IMMP2L: variants seen among roughly 807,000 people sequenced by gnomAD.
IMMP2L encodes the protein inner mitochondrial membrane peptidase subunit 2, also known as mitochondrial inner membrane protease subunit 2.
A neutral mutation model predicts 19.3 loss-of-function variants in IMMP2L; 18 were observed. The observed-to-expected ratio is 0.93, with a 90% CI of 0.64 to 1.38. The LOEUF is 1.38. Among genes scored for constraint, IMMP2L ranks in the 40% most tolerant of loss-of-function variants. The pLI is 0.00. For synonymous variants in IMMP2L, 76 were observed against 73.0 expected (o/e 1.04, Z -0.21); for missense variants, 233 against 218.2 (o/e 1.07, Z -0.43).
At chr7:110,944,562 C>T (rs765523980) in intron 4 of IMMP2L, among the ~76,000 whole-genome samples, 1 of 151,586 alleles carries the variant, frequency 6.6e-6, no homozygotes, top group Non-Finnish European at 1.5e-5. Flanking sequence ...AGAGTATACA[C>T]TGAAAAATCT....
At chr7:111,124,504 T>G in intron 3 of IMMP2L, 1 of 1,613,846 alleles carries the variant, frequency 6.2e-7, no homozygotes, top group East Asian at 2.2e-5. Flanking sequence ...TGTCAAGGTA[T>G]ATAATCTTAC....
intron 3 of IMMP2L, among the ~76,000 whole-genome samples, chr7:111,165,791 T>A (rs182032654): frequency 8.8e-4 from 134 of 152,142 alleles, no homozygotes; most frequent in African/African-American, 3.2e-3. Context: ...GGAAAAAGAC[T>A]GACAGCATCT....
intron 3 of IMMP2L, among the ~76,000 whole-genome samples, chr7:111,314,424 C>T (rs971003406): frequency 1.3e-5 from 2 of 151,998 alleles, no homozygotes; most frequent in African/African-American, 4.8e-5. Flanking sequence ...AAGTATGATT[C>T]TATTAATATA....
intron 3 of IMMP2L, among the ~76,000 whole-genome samples, chr7:111,288,810 A>G (rs1820774796): frequency 6.6e-6 from 1 of 152,142 alleles, no homozygotes; most frequent in Non-Finnish European, 1.5e-5. Context: ...ACGCTTTTAC[A>G]CTGTTGGTGG....
intron 3 of IMMP2L, among the ~76,000 whole-genome samples, chr7:111,174,193 A>T (rs1199436580): frequency 1.3e-5 from 2 of 151,760 alleles, no homozygotes; most frequent in African/African-American, 4.8e-5. Context: ...ATAACCACAG[A>T]GACTTTTACT....
At chr7:111,025,149 C>A (rs1826682222) in intron 3 of IMMP2L, among the ~76,000 whole-genome samples, 1 of 152,136 alleles carries the variant, frequency 6.6e-6, no homozygotes, top group Non-Finnish European at 1.5e-5. Flanking sequence ...TAGCTTCCAA[C>A]ACAGCACTTT....
intron 5 of IMMP2L, among the ~76,000 whole-genome samples, chr7:110,819,313 G>A (rs981646498): frequency 5.3e-5 from 8 of 151,934 alleles, no homozygotes; most frequent in Admixed American, 3.9e-4. Context: ...GGGAGAGAAT[G>A]AGGCTGTGAT....
intron 5 of IMMP2L, among the ~76,000 whole-genome samples, chr7:110,852,971 T>C (rs1026258903): frequency 2.0e-5 from 3 of 152,096 alleles, no homozygotes; most frequent in African/African-American, 7.2e-5. Flanking sequence ...TGCCAAAGAC[T>C]GAAGATACTG....
rs184475944 is a variant in IMMP2L, at chr7:111,419,773, G to A, written c.239+67465C>T. On this transcript the variant is annotated intron_variant, in intron 3 of 5. Coordinates refer to ENST00000405709, the MANE Select transcript of IMMP2L (RefSeq NM_032549.4). ...TCACAGGCACGTGTCCTCAGCCTTG[G>A]CAAAATAAACTTTCTAAATTAACTG... Among the ~76,000 whole-genome samples the A allele has an allele frequency of 2.3e-3, 350 of 151,304 alleles. 4 individuals carry two copies. Among genetic ancestry groups the A allele is most frequent in the Admixed American group, 5.1e-3 (78 of 15,218 alleles).
intron 5 of IMMP2L, among the ~76,000 whole-genome samples, chr7:110,713,112 C>A (rs1795005212): frequency 6.6e-6 from 1 of 152,134 alleles, no homozygotes; most frequent in African/African-American, 2.4e-5. Context: ...GGTTCAGTTT[C>A]TTTCTTTTGC....
intron 5 of IMMP2L, among the ~76,000 whole-genome samples, chr7:110,668,348 T>C (rs1791601281): frequency 6.6e-6 from 1 of 152,234 alleles, no homozygotes; most frequent in South Asian, 2.1e-4. Flanking sequence ...TTATCCAGTT[T>C]TGTTCTTATC....
chr7:111,272,190 A>C (rs1016335230), intron 3 of IMMP2L, among the ~76,000 whole-genome samples: 2 of 152,092 alleles, frequency 1.3e-5, no homozygotes, highest in African/African-American at 4.8e-5. Context: ...CCCTTACTAT[A>C]TCTCTTCAGG....
chr7:111,455,952 CATCTT>C (rs1419945682), intron 3 of IMMP2L, among the ~76,000 whole-genome samples: 3 of 128,866 alleles, frequency 2.3e-5, no homozygotes, highest in African/African-American at 8.9e-5. Flanking sequence ...AAAAAATAGA[CATCTT>C]AGAATGCATA....
intron 5 of IMMP2L, among the ~76,000 whole-genome samples, chr7:110,720,057 C>T (rs2130760801): frequency 6.6e-6 from 1 of 152,244 alleles, no homozygotes; most frequent in East Asian, 1.9e-4. Context: ...TGTATTCCAA[C>T]TAAAATCCTG....
intron 5 of IMMP2L, among the ~76,000 whole-genome samples, chr7:110,842,072 T>C (rs546615900): frequency 6.6e-6 from 1 of 152,234 alleles, no homozygotes; most frequent in African/African-American, 2.4e-5. Context: ...TTAAATATTC[T>C]TATCAATCTC....
At chr7:111,358,334 G>A (rs1828921627) in intron 3 of IMMP2L, among the ~76,000 whole-genome samples, 1 of 151,342 alleles carries the variant, frequency 6.6e-6, no homozygotes, top group Non-Finnish European at 1.5e-5. Context: ...AGGCAACCCC[G>A]AAACGTTAAT....
chr7:110,744,367 T>C (rs1797185275), intron 5 of IMMP2L, among the ~76,000 whole-genome samples: 1 of 152,204 alleles, frequency 6.6e-6, no homozygotes. Context: ...AAGAGAGCAG[T>C]GGGTCTACCA....
intron 5 of IMMP2L, among the ~76,000 whole-genome samples, chr7:110,671,438 ATC>A (rs1408681601): frequency 6.6e-6 from 1 of 152,152 alleles, no homozygotes; most frequent in East Asian, 1.9e-4. Context: ...CACTTTAGCA[ATC>A]TCTGTTTTAG....
At chr7:111,556,014 G>GTATATATATATATATATATATA in intron 1 of IMMP2L, among the ~76,000 whole-genome samples, 3 of 114,602 alleles carry the variant, frequency 2.6e-5, no homozygotes, top group South Asian at 6.1e-4. Context: ...TCTTCTGTGT[G>GTATATATATATATATATATATA]CATGTATATA....
Sources: allele counts gnomAD v4.1 joint callset (sites outside exome capture counted in the v4.1 genomes callset), GRCh38; gene constraint gnomAD v4.1.1; transcripts MANE v1.5; gene names NCBI Gene and HGNC (gene_info 2026-07-23, HGNC 2026-07-21).